Variants in FAM184B observed in about 807,000 individuals in gnomAD.
The protein encoded by FAM184B is protein FAM184B.
FAM184B carries 111 observed loss-of-function variants against 135.9 expected under a neutral mutation model. The observed-to-expected ratio is 0.82, with a 90% CI of 0.70 to 0.96. The LOEUF (loss-of-function observed/expected upper bound fraction) is 0.96, where lower values mean the gene tolerates loss of function less well. Ranked by LOEUF, FAM184B falls within the 40% of genes least tolerant of loss-of-function variation. FAM184B has a pLI of 0.00. For missense variants in FAM184B, 1,375 were observed against 1,323.9 expected, an observed-to-expected ratio of 1.04 and a Z score of -0.60; for synonymous variants, 552 against 524.8, an observed-to-expected ratio of 1.05 and a Z score of -0.71.
At chr4:17,780,429 C>T (rs966800730) in intron 1 of FAM184B, among the ~76,000 whole-genome samples, 2 of 152,200 alleles carry the variant, frequency 1.3e-5, no homozygotes, top group East Asian at 3.9e-4. Context: ...AGAGGGGAGT[C>T]TGTGACAAGG....
intron 1 of FAM184B, among the ~76,000 whole-genome samples, chr4:17,749,015 T>A (rs1210482905): frequency 7.4e-6 from 1 of 135,892 alleles, no homozygotes; most frequent in East Asian, 2.1e-4. Context: ...TTTTTTTTTT[T>A]AAGAGACAGG....
chr4:17,639,178 T>G, intron 14 of FAM184B, 72 bp downstream of exon 14: 2 of 1,424,354 alleles, frequency 1.4e-6, no homozygotes, highest in Non-Finnish European at 1.9e-6. Flanking sequence ...CCCAGGGTCA[T>G]TGGGGTGAGT....
intron 1 of FAM184B, among the ~76,000 whole-genome samples, chr4:17,736,529 G>C (rs1717912053): frequency 6.6e-6 from 1 of 152,204 alleles, no homozygotes; most frequent in South Asian, 2.1e-4. Flanking sequence ...GTGGTGGTCA[G>C]AAATGGATGG....
intron 1 of FAM184B, among the ~76,000 whole-genome samples, chr4:17,734,011 C>T (rs1717850421): frequency 6.6e-6 from 1 of 152,114 alleles, no homozygotes; most frequent in Non-Finnish European, 1.5e-5. Context: ...GAACAGAGCC[C>T]TCAGAAATAA....
intron 7 of FAM184B, among the ~76,000 whole-genome samples, chr4:17,673,554 G>A (rs1716242797): frequency 6.6e-6 from 1 of 152,074 alleles, no homozygotes; most frequent in Non-Finnish European, 1.5e-5. Flanking sequence ...AGAAACTGTG[G>A]TATATATATA....
chr4:17,664,786 T>A lies in FAM184B; in HGVS notation c.1597-127A>T, dbSNP rs1716006763. The stretch of plus-strand genomic sequence containing the variant: ...AGAGGGAGCCCCCAGCAACCCACTA[T>A]CGGTGCCCTGCTTGCAGGGGATGCC... On this transcript the variant is annotated intron_variant, in intron 7 of 17. Coordinates refer to ENST00000265018, the MANE Select transcript of FAM184B (RefSeq NM_015688.2). 4.2e-6 allele frequency: 3 copies of A among 716,222 alleles called. No individual in the cohort carries two copies. In the South Asian group the frequency reaches 5.8e-5, roughly 14 times the overall value. The allele number at this position is 716,222 out of a possible 1,614,324, so 44.4% of individuals were successfully genotyped here.
intron 1 of FAM184B, among the ~76,000 whole-genome samples, chr4:17,742,390 C>T (rs916712413): frequency 1.3e-4 from 19 of 151,920 alleles, no homozygotes; most frequent in African/African-American, 4.4e-4. Flanking sequence ...TCCATGATCA[C>T]ACCACTGCAC....
rs545732588 is a variant in FAM184B, at chr4:17,677,080, C to T, written c.1596+11344G>A. Among the ~76,000 whole-genome samples the T allele has an allele frequency of 7.2e-5, 11 of 152,204 alleles. No homozygotes were observed. In the South Asian group the frequency reaches 1.9e-3, roughly 26 times the overall value. ...CTTTTTTTTTAGATAAGGTCTGTGG[C>T]TCTGTTGCCCAGGCTGGAGTACAGT... On this transcript the variant is annotated intron_variant, in intron 7 of 17. Transcript: ENST00000265018.
intron 1 of FAM184B, among the ~76,000 whole-genome samples, chr4:17,740,077 C>T (rs967940778): frequency 2.6e-5 from 4 of 151,990 alleles, no homozygotes; most frequent in Admixed American, 2.0e-4. Context: ...GGCAGCTGGG[C>T]GTCATGGTTC....
intron 1 of FAM184B, among the ~76,000 whole-genome samples, chr4:17,747,445 T>C (rs114752697): frequency 0.019 from 2,959 of 152,162 alleles, 108 homozygotes; most frequent in African/African-American, 0.067. Context: ...GGTTGGTACT[T>C]CCGAAGTCTG....
chr4:17,770,805 T>C (rs1718804843), intron 1 of FAM184B, among the ~76,000 whole-genome samples: 1 of 152,122 alleles, frequency 6.6e-6, no homozygotes, highest in Non-Finnish European at 1.5e-5. Context: ...GATTCAAGTT[T>C]TGTTTGTTTT....
chr4:17,714,358 G>A (rs750251772), intron 1 of FAM184B, among the ~76,000 whole-genome samples: 12 of 152,148 alleles, frequency 7.9e-5, no homozygotes, highest in Non-Finnish European at 1.8e-4. Context: ...AAGGGCTTAT[G>A]TCCTTTCCAC....
intron 5 of FAM184B, among the ~76,000 whole-genome samples, chr4:17,700,099 A>G (rs1360666446): frequency 6.6e-6 from 1 of 152,090 alleles, no homozygotes; most frequent in Non-Finnish European, 1.5e-5. Flanking sequence ...AAAATGGAAT[A>G]CCCCCAAAAT....
intron 12 of FAM184B, among the ~76,000 whole-genome samples, chr4:17,646,122 C>T (rs1468504049): frequency 6.6e-6 from 1 of 152,214 alleles, no homozygotes; most frequent in Admixed American, 6.5e-5. Context: ...CACTTTGACA[C>T]TGTTGGTGGG....
intron 1 of FAM184B, among the ~76,000 whole-genome samples, chr4:17,760,443 C>T (rs1381740738): frequency 6.6e-6 from 1 of 150,384 alleles, no homozygotes; most frequent in Non-Finnish European, 1.5e-5. Flanking sequence ...GTACCCCAGC[C>T]TGGGCTACAG....
At chr4:17,750,516 T>C (rs968834483) in intron 1 of FAM184B, among the ~76,000 whole-genome samples, 1 of 152,236 alleles carries the variant, frequency 6.6e-6, no homozygotes, top group African/African-American at 2.4e-5. Flanking sequence ...TTGGGCTGGA[T>C]AATTCTTTGT....
Position 17,658,501 on chromosome 4 carries a change from G to A in FAM184B, c.1886C>T (p.Ala629Val), listed in dbSNP as rs1715833626. The A allele has an allele frequency of 6.4e-7, 1 of 1,551,570 alleles. No individual in the cohort carries two copies. Among genetic ancestry groups the A allele is most frequent in the African/African-American group, 1.4e-5 (1 of 73,174 alleles). The change falls in exon 10 of 18, where the codon GCA becomes GTA. Residue 629 changes from alanine to valine, a missense_variant. Ala to Val is a moderately conservative substitution (Grantham distance 64). Transcript: ENST00000265018. ...CTSNYREDLQ[A>V]LKQLSDLERE... ...CTCCAGGTCCGAGAGCTGCTTGAGTGCCTGCAGGTCCTCCCTGTAGTTGCT... is the reference window on the plus strand; with the variant it reads ...CTCCAGGTCCGAGAGCTGCTTGAGTACCTGCAGGTCCTCCCTGTAGTTGCT...
intron 1 of FAM184B, among the ~76,000 whole-genome samples, chr4:17,766,951 C>T (rs558163614): frequency 5.3e-4 from 81 of 152,306 alleles, no homozygotes; most frequent in South Asian, 1.0e-3. Context: ...AGCCCTGCCC[C>T]GCGGGGAGGC....
chr4:17,755,500 T>G (rs1461559143), intron 1 of FAM184B, among the ~76,000 whole-genome samples: 1 of 152,230 alleles, frequency 6.6e-6, no homozygotes, highest in East Asian at 1.9e-4. Flanking sequence ...GACAGCGTGG[T>G]GATTCCTTAA....
Sources: allele counts gnomAD v4.1 joint callset (sites outside exome capture counted in the v4.1 genomes callset), GRCh38; gene constraint gnomAD v4.1.1; transcripts MANE v1.5; gene names NCBI Gene and HGNC (gene_info 2026-07-23, HGNC 2026-07-21).